Variants in INTS6L observed in about 807,000 individuals in gnomAD.
INTS6L encodes the protein integrator complex subunit 6-like.
A neutral mutation model predicts 64.7 loss-of-function variants in INTS6L; 18 were observed. The observed-to-expected ratio is 0.28, with a 90% CI of 0.19 to 0.41. The LOEUF (loss-of-function observed/expected upper bound fraction) is 0.41. Ranked by LOEUF, INTS6L falls within the 10% of genes least tolerant of loss-of-function variation. The pLI is 1.00. For synonymous variants in INTS6L, 227 were observed against 235.9 expected, an observed-to-expected ratio of 0.96 and a Z score of 0.34; for missense variants, 533 against 661.0, an observed-to-expected ratio of 0.81 and a Z score of 2.12.
chrX:135,571,669 T>G (rs2087094327), intron 11 of INTS6L: 1 of 112,246 alleles, frequency 8.9e-6, no homozygotes, highest in Non-Finnish European at 1.9e-5. Flanking sequence ...TTTGTGGTTG[T>G]TGTAAATGTT....
At position 135,546,684 on chromosome X, in the gene INTS6L, A is replaced by G; in HGVS notation, c.430-18A>G. On this transcript the variant is annotated intron_variant, in intron 4 of 17. Coordinates refer to ENST00000639893, the MANE Select transcript of INTS6L (RefSeq NM_001351601.3). ...ATGGTTTGTTATGATGAACCTTTTC[A>G]CATTTTTGCCTTATCAGCTCCATCT... 2.5e-6 allele frequency: 3 copies of G among 1,194,621 alleles called. No individual in the cohort carries two copies. Among genetic ancestry groups the G allele is most frequent in the Non-Finnish European group, 3.4e-6 (3 of 885,295 alleles).
intron 8 of INTS6L, among the ~76,000 whole-genome samples, chrX:135,554,883 C>CTTTTTTTTTTT (rs35845600): frequency 5.9e-5 from 3 of 50,474 alleles, no homozygotes; most frequent in Non-Finnish European, 9.4e-5. Context: ...ACCAGCATAA[C>CTTTTTTTTTTT]TTTTTTTTTT....
intron 15 of INTS6L, among the ~76,000 whole-genome samples, chrX:135,579,015 T>A (rs782157444): frequency 9.0e-6 from 1 of 111,055 alleles, no homozygotes; most frequent in African/African-American, 3.3e-5. Flanking sequence ...CCCCTGGGGC[T>A]CCCTCTGCTG....
intron 8 of INTS6L, among the ~76,000 whole-genome samples, chrX:135,555,576 A>G (rs1275994760): frequency 8.9e-6 from 1 of 112,351 alleles, no homozygotes; most frequent in African/African-American, 3.2e-5. Flanking sequence ...TTTGCTAAGT[A>G]AGTAAATATT....
At chrX:135,522,479 C>T (rs1030161171) in intron 2 of INTS6L, among the ~76,000 whole-genome samples, 1 of 112,224 alleles carries the variant, frequency 8.9e-6, no homozygotes, top group Admixed American at 9.4e-5. Flanking sequence ...GGAATTTAAA[C>T]TGTTAAATCA....
chrX:135,528,833 A>C, intron 2 of INTS6L, among the ~76,000 whole-genome samples: 1 of 103,240 alleles, frequency 9.7e-6, no homozygotes, highest in African/African-American at 3.5e-5. Context: ...CTGAAGGAGG[A>C]TCCTTTCTCT....
chrX:135,539,867 A>T (rs1304905250), intron 2 of INTS6L, among the ~76,000 whole-genome samples: 1 of 111,639 alleles, frequency 9.0e-6, no homozygotes, highest in Non-Finnish European at 1.9e-5. Flanking sequence ...TTATCGATTA[A>T]GTTCACTGCC....
intron 3 of INTS6L, among the ~76,000 whole-genome samples, chrX:135,545,793 A>G (rs1211704110): frequency 8.9e-6 from 1 of 112,332 alleles, no homozygotes; most frequent in African/African-American, 3.2e-5. Context: ...TGAGATAATC[A>G]GATGTTTGAG....
In INTS6L at chrX:135,552,090, C is replaced by T. The variant is rs2086521162; in HGVS notation, c.1003C>T (p.Pro335Ser). ...TCCTTTTGACAAATATGAACTTGAA[C>T]CTTCGCCCTTAACTCAGTATATCTT... ...KLPFDKYELE[P>S]SPLTQYILER... The change falls in exon 8 of 18, where the codon CCT becomes TCT. Residue 335 changes from proline to serine, a missense_variant. Coordinates refer to ENST00000639893, the MANE Select transcript of INTS6L (RefSeq NM_001351601.3). The T allele has an allele frequency of 8.3e-7, 1 of 1,208,711 alleles. No homozygotes were observed. The highest frequency in any genetic ancestry group is 1.8e-5 in the South Asian group (1 of 56,346).
At chrX:135,572,639 AT>A (rs1218717009) in intron 11 of INTS6L, 175 bp from the exon 12 acceptor site, 1 of 385,766 alleles carries the variant, frequency 2.6e-6, no homozygotes, top group Non-Finnish European at 4.4e-6. Context: ...CCTGCCCCCT[AT>A]CTGTTTGCTG....
At chrX:135,550,749 CT>C (rs782761117) in intron 7 of INTS6L, among the ~76,000 whole-genome samples, 4 of 111,598 alleles carry the variant, frequency 3.6e-5, no homozygotes, top group Non-Finnish European at 5.6e-5. Context: ...CTGAAGAGCC[CT>C]TTTGGCCCCT....
intron 15 of INTS6L, among the ~76,000 whole-genome samples, chrX:135,579,294 C>T (rs1197340025): frequency 8.9e-6 from 1 of 111,871 alleles, no homozygotes. Flanking sequence ...AGATAATACA[C>T]TAAGAGGGAT....
intron 8 of INTS6L, among the ~76,000 whole-genome samples, chrX:135,553,555 C>G (rs939683800): frequency 6.7e-5 from 7 of 104,128 alleles, no homozygotes; most frequent in African/African-American, 2.5e-4. Context: ...AACTCCTGGG[C>G]TCAAGCAATC....
chrX:135,528,215 C>T (rs1286605279), intron 2 of INTS6L, among the ~76,000 whole-genome samples: 1 of 111,724 alleles, frequency 9.0e-6, no homozygotes, highest in Admixed American at 9.5e-5. Context: ...GCTTGGAACA[C>T]ATTATCTCCT....
In INTS6L at chrX:135,582,338, C is replaced by T. The variant is rs2087389891; in HGVS notation, c.*702C>T. ...TTCAGATGGACTTATACATTCTGTG[C>T]TTTGGAAGCACAAGAAGAACAAAAT... On this transcript the variant is annotated 3_prime_UTR_variant, in exon 18 of 18. Coordinates refer to ENST00000639893, the MANE Select transcript of INTS6L (RefSeq NM_001351601.3). 8.9e-6 allele frequency: 1 copy of T among 112,067 alleles called. No individual in the cohort carries two copies. The highest frequency in any genetic ancestry group is 1.9e-5 in the Non-Finnish European group (1 of 53,165). The allele number at this position is 112,067 out of a possible 1,213,427, so 9.2% of individuals were successfully genotyped here.
intron 9 of INTS6L, among the ~76,000 whole-genome samples, chrX:135,561,534 G>A (rs1285189781): frequency 3.6e-5 from 4 of 111,905 alleles, no homozygotes; most frequent in African/African-American, 1.3e-4. Context: ...GGTAATACAA[G>A]CTCTTCATAA....
intron 2 of INTS6L, among the ~76,000 whole-genome samples, chrX:135,530,816 G>A (rs1054483122): frequency 1.2e-4 from 14 of 112,133 alleles, no homozygotes; most frequent in African/African-American, 4.5e-4. Flanking sequence ...AGAAGAAGTA[G>A]AGATGTCAGT....
chrX:135,575,040 C>T (rs782296254), intron 13 of INTS6L, 44 bp from the exon 14 acceptor site: 50 of 1,194,686 alleles, frequency 4.2e-5, no homozygotes, highest in Admixed American at 2.9e-4. Context: ...AAGGACCATA[C>T]GCTTCAGCTA....
intron 2 of INTS6L, among the ~76,000 whole-genome samples, chrX:135,544,148 G>A (rs1394126109): frequency 8.9e-6 from 1 of 111,905 alleles, no homozygotes; most frequent in Admixed American, 9.4e-5. Context: ...GTGAATGACT[G>A]CAAGGTGGTA....
Sources: gnomAD v4.1 joint callset for allele counts (sites outside exome capture counted in the v4.1 genomes callset) on GRCh38, gnomAD v4.1.1 for gene constraint, MANE v1.5 for transcripts, NCBI Gene and HGNC (gene_info 2026-07-23, HGNC 2026-07-21) for gene names.